Variants in ALDH1A1 observed in about 807,000 individuals in gnomAD.
ALDH1A1 encodes aldehyde dehydrogenase 1 family member A1, also known as aldehyde dehydrogenase 1A1.
ALDH1A1 carries 19 observed loss-of-function variants against 62.1 expected under a neutral mutation model. The ratio of observed to expected loss-of-function variants is 0.31; its 90% CI spans 0.21 to 0.45. The LOEUF is 0.45. Ranked by LOEUF, ALDH1A1 falls within the 20% of genes least tolerant of loss-of-function variation. ALDH1A1 has a pLI of 1.00. For missense variants in ALDH1A1, 521 were observed against 607.1 expected (o/e 0.86, Z 1.49); for synonymous variants, 231 against 215.9 (o/e 1.07, Z -0.61).
intron 1 of ALDH1A1, among the ~76,000 whole-genome samples, chr9:72,950,329 T>A (rs558422178): frequency 6.6e-6 from 1 of 151,976 alleles, no homozygotes; most frequent in Admixed American, 6.6e-5. Context: ...ATCTCTTCAT[T>A]TAAAGGCTCA....
At chr9:72,935,783 A>G (rs941310666) in intron 2 of ALDH1A1, among the ~76,000 whole-genome samples, 1 of 152,134 alleles carries the variant, frequency 6.6e-6, no homozygotes, top group South Asian at 2.1e-4. Flanking sequence ...GCCCCATTCT[A>G]CTTACAAATT....
chr9:72,948,507 G>T (rs754295777), intron 1 of ALDH1A1, among the ~76,000 whole-genome samples: 24 of 151,702 alleles, frequency 1.6e-4, no homozygotes, highest in Non-Finnish European at 3.1e-4. Context: ...TCTTGTCCTC[G>T]GGGTCTTTGC....
At chr9:72,915,230 A>C (rs1830046494) in intron 9 of ALDH1A1, among the ~76,000 whole-genome samples, 1 of 152,170 alleles carries the variant, frequency 6.6e-6, no homozygotes, top group Non-Finnish European at 1.5e-5. Flanking sequence ...TTTTAAGTCT[A>C]TTTTAACTTC....
At chr9:72,923,389 C>A (rs1309095808) in intron 7 of ALDH1A1, among the ~76,000 whole-genome samples, 2 of 152,118 alleles carry the variant, frequency 1.3e-5, no homozygotes, top group African/African-American at 4.8e-5. Context: ...ATGCTTCCAC[C>A]ACTTTCTTTT....
chr9:72,947,352 C>T (rs1830488448), intron 1 of ALDH1A1, among the ~76,000 whole-genome samples: 1 of 151,918 alleles, frequency 6.6e-6, no homozygotes, highest in Non-Finnish European at 1.5e-5. Flanking sequence ...AAGGTGGTTG[C>T]TGCATTGAAG....
At chr9:72,940,306 T>C (rs1588143939) in intron 1 of ALDH1A1, 54 bp from the exon 2 acceptor site, 1 of 1,401,576 alleles carries the variant, frequency 7.1e-7, no homozygotes, top group Admixed American at 1.7e-5. Flanking sequence ...CAGAAAATTT[T>C]GGAAGTTTTC....
Position 72,927,173 on chromosome 9 carries a change from T to C in ALDH1A1, c.447A>G (p.Gly149=). Residue 149 remains glycine (G), a synonymous_variant, in exon 5 of 13, where the codon GGA becomes GGG. Transcript: ENST00000297785. ...CATGTCTTGTATATGTAAAAAAATT[T>C]CCATCTGAAAAATAAAACACACACA... ...KIQGRTIPID[G]NFFTYTRHEP... The C allele has an allele frequency of 6.2e-7, 1 of 1,601,446 alleles. No homozygotes were observed. The highest frequency in any genetic ancestry group is 8.5e-7 in the Non-Finnish European group (1 of 1,173,792).
At position 72,918,736 on chromosome 9, in the gene ALDH1A1, C is replaced by T; in HGVS notation, c.834G>A (p.Val278=). The T allele has an allele frequency of 6.4e-7, 1 of 1,561,752 alleles. No individual in the cohort carries two copies. Among genetic ancestry groups the T allele is most frequent in the Non-Finnish European group, 8.7e-7 (1 of 1,151,568 alleles). The change falls in exon 8 of 13, where the codon GTG becomes GTA. Residue 278 remains valine, a synonymous_variant. Transcript: ENST00000297785. ...TCTACTCACAGTCGGCATCAGCTAA[C>T]ACAATGCAAGGGCTCTTTCCTCCAA... ...LELGGKSPCI[V]LADADLDNAV... is the part of the protein sequence containing the mutation.
rs373797683 is a variant in ALDH1A1, at chr9:72,912,240, G to C, written c.1036-118C>G. On this transcript the variant is annotated intron_variant, in intron 9 of 12. Coordinates refer to ENST00000297785, the MANE Select transcript of ALDH1A1 (RefSeq NM_000689.5). ...AAATATTGCAATTAAACCAAATATTGAATCGAAACAGCTAACAGAGGTTCA... is the reference window on the plus strand; with the variant it reads ...AAATATTGCAATTAAACCAAATATTCAATCGAAACAGCTAACAGAGGTTCA... 3.2e-5 allele frequency: 24 copies of C among 746,268 alleles called. No individual in the cohort carries two copies. In the African/African-American group the frequency reaches 3.7e-4, roughly 12 times the overall value. 46.2% of individuals were successfully genotyped at this position (746,268 alleles called of 1,614,324 possible). A position where few individuals can be genotyped will look rare whatever the true frequency, so the allele number is the denominator to read the frequency against.
At chr9:72,933,305 C>T (rs906140958) in intron 2 of ALDH1A1, among the ~76,000 whole-genome samples, 8 of 152,106 alleles carry the variant, frequency 5.3e-5, no homozygotes. Flanking sequence ...GAAGATTGTC[C>T]TTTTGGAATA....
intron 1 of ALDH1A1, among the ~76,000 whole-genome samples, chr9:72,942,894 C>T (rs372398093): frequency 6.6e-6 from 1 of 152,122 alleles, no homozygotes; most frequent in African/African-American, 2.4e-5. Flanking sequence ...TCCAACATAA[C>T]ATGTTAGTAT....
intron 7 of ALDH1A1, among the ~76,000 whole-genome samples, chr9:72,923,354 A>C (rs1319731037): frequency 6.6e-6 from 1 of 152,206 alleles, no homozygotes; most frequent in Non-Finnish European, 1.5e-5. Flanking sequence ...AGAATGACTC[A>C]ATAATTTTTT....
intron 2 of ALDH1A1, among the ~76,000 whole-genome samples, chr9:72,932,378 CA>C (rs1310149534): frequency 2.0e-5 from 3 of 152,100 alleles, no homozygotes. Context: ...TATATTCAAT[CA>C]AGAAGACCCA....
At chr9:72,935,500 G>A (rs1179735510) in intron 2 of ALDH1A1, among the ~76,000 whole-genome samples, 1 of 152,162 alleles carries the variant, frequency 6.6e-6, no homozygotes, top group Non-Finnish European at 1.5e-5. Context: ...CAGAGATGGA[G>A]AAAATAGTTA....
At chr9:72,944,909 C>A (rs1327840420) in intron 1 of ALDH1A1, among the ~76,000 whole-genome samples, 1 of 152,032 alleles carries the variant, frequency 6.6e-6, no homozygotes, top group Non-Finnish European at 1.5e-5. Context: ...ACTTCAAGTA[C>A]TTTCTATATG....
intron 2 of ALDH1A1, among the ~76,000 whole-genome samples, chr9:72,937,667 A>G (rs1830361517): frequency 1.3e-5 from 2 of 152,168 alleles, no homozygotes; most frequent in Admixed American, 6.5e-5. Context: ...CTAGCAAGCA[A>G]TTGTTGGGGA....
At chr9:72,951,222 C>T (rs1830540863) in intron 1 of ALDH1A1, among the ~76,000 whole-genome samples, 1 of 151,876 alleles carries the variant, frequency 6.6e-6, no homozygotes, top group Admixed American at 6.6e-5. Flanking sequence ...TGCACAGTGA[C>T]TTCGAAGTGA....
At chr9:72,945,386 C>T (rs1383310717) in intron 1 of ALDH1A1, among the ~76,000 whole-genome samples, 1 of 151,850 alleles carries the variant, frequency 6.6e-6, no homozygotes, top group African/African-American at 2.4e-5. Context: ...GCAATACTTT[C>T]TTGGTGGGAG....
intron 1 of ALDH1A1, chr9:72,942,367 G>A: frequency 1.0e-6 from 1 of 985,236 alleles, no homozygotes; most frequent in Non-Finnish European, 1.2e-6. Flanking sequence ...GCTTGCTCAT[G>A]CACACTGTCC....
Sources: gnomAD v4.1 joint callset for allele counts (sites outside exome capture counted in the v4.1 genomes callset) on GRCh38, gnomAD v4.1.1 for gene constraint, MANE v1.5 for transcripts, NCBI Gene and HGNC (gene_info 2026-07-23, HGNC 2026-07-21) for gene names.